The following PSTPIP2 variants were observed in gnomAD, a reference collection of about 807,000 sequenced individuals.
PSTPIP2 encodes the protein proline-serine-threonine phosphatase interacting protein 2, also known as proline-serine-threonine phosphatase-interacting protein 2.
Under a neutral mutation model 63.3 loss-of-function variants are expected in PSTPIP2, and 33 were observed. The ratio of observed to expected loss-of-function variants is 0.52; its 90% CI spans 0.40 to 0.70. PSTPIP2 has a LOEUF of 0.70. PSTPIP2 is among the 30% of genes least tolerant of loss of function. The pLI is 0.00. For synonymous variants in PSTPIP2, 125 were observed against 132.7 expected (o/e 0.94, Z 0.40); for missense variants, 312 against 400.7 (o/e 0.78, Z 1.89).
chr18:46,065,294 AAT>A lies in PSTPIP2; in HGVS notation c.33+6860_33+6861del, dbSNP rs1491587070. On this transcript the variant is annotated intron_variant, in intron 1 of 14. Coordinates refer to ENST00000409746, the MANE Select transcript of PSTPIP2 (RefSeq NM_024430.4). The stretch of plus-strand genomic sequence containing the variant: ...GATAGCAATATATAAAATAAGTTAT[AAT>A]TTTTTTTTTTTTTGAGATGTAGTCT... 2.4e-3 allele frequency among the ~76,000 whole-genome samples: 338 copies of A among 143,318 alleles called. 3 individuals are homozygous for A. The highest frequency in any genetic ancestry group is 9.0e-3 in the African/African-American group (323 of 35,780). The allele number at this position is 143,318 out of a possible 152,430, so 94.0% of individuals were successfully genotyped here. A position where few individuals can be genotyped will look rare whatever the true frequency, so the allele number is the denominator to read the frequency against.
intron 1 of PSTPIP2, among the ~76,000 whole-genome samples, chr18:46,066,067 C>A (rs1457151051): frequency 6.6e-6 from 1 of 151,980 alleles, no homozygotes; most frequent in Non-Finnish European, 1.5e-5. Context: ...TGGCCAGGTG[C>A]AGTAGCTCAT....
At chr18:46,071,008 C>T (rs1432462687) in intron 1 of PSTPIP2, among the ~76,000 whole-genome samples, 2 of 152,154 alleles carry the variant, frequency 1.3e-5, no homozygotes, top group African/African-American at 4.8e-5. Flanking sequence ...GCAAGCCTCC[C>T]GTGAGAGCCA....
Position 45,993,180 on chromosome 18 carries a change from C to T in PSTPIP2, c.741+425G>A, listed in dbSNP as rs560334592. On this transcript the variant is annotated intron_variant, in intron 10 of 14. Transcript: ENST00000409746. ...CACGATCTTGGCTCACTGCAGCCTC[C>T]GCCTCCTGGGTTCAAGCAATTCTCC... 1.5e-4 allele frequency among the ~76,000 whole-genome samples: 23 copies of T among 152,206 alleles called. 1 individual carries two copies. The South Asian group carries it at 4.1e-3, about 27-fold the overall frequency.
At chr18:45,999,791 A>G (rs1035181639) in intron 6 of PSTPIP2, among the ~76,000 whole-genome samples, 2 of 152,232 alleles carry the variant, frequency 1.3e-5, no homozygotes, top group African/African-American at 4.8e-5. Context: ...ATTTGGCAAC[A>G]TAAAGTACAT....
At chr18:45,997,958 C>T in intron 8 of PSTPIP2, 130 bp from the exon 9 acceptor site, 5 of 733,806 alleles carry the variant, frequency 6.8e-6, no homozygotes, top group Non-Finnish European at 1.2e-5. Context: ...GCCCCCAGGA[C>T]TCTGAGCACT....
chr18:45,996,686 C>T (rs914589337), intron 9 of PSTPIP2, among the ~76,000 whole-genome samples: 4 of 151,528 alleles, frequency 2.6e-5, no homozygotes, highest in Non-Finnish European at 5.9e-5. Flanking sequence ...ACCCTGGCAA[C>T]TCAGGAGGCA....
intron 7 of PSTPIP2, among the ~76,000 whole-genome samples, chr18:45,999,229 C>G (rs1418681952): frequency 6.6e-6 from 1 of 152,166 alleles, no homozygotes. Context: ...CCCCATCTCC[C>G]TCCCTCATAG....
chr18:46,070,326 T>C (rs553788211), intron 1 of PSTPIP2, among the ~76,000 whole-genome samples: 53 of 152,330 alleles, frequency 3.5e-4, no homozygotes, highest in African/African-American at 1.3e-3. Context: ...CTGCAAACTC[T>C]GTGGCCTGGA....
chr18:46,071,194 A>G (rs1394989437), intron 1 of PSTPIP2, among the ~76,000 whole-genome samples: 1 of 152,052 alleles, frequency 6.6e-6, no homozygotes, highest in Non-Finnish European at 1.5e-5. Flanking sequence ...GGGTAGAGGG[A>G]CCATCTAGGC....
intron 4 of PSTPIP2, among the ~76,000 whole-genome samples, chr18:46,013,295 C>A (rs1484211168): frequency 1.3e-5 from 2 of 152,076 alleles, no homozygotes; most frequent in African/African-American, 2.4e-5. Context: ...GAAGAAGACA[C>A]CTTCTATGTA....
intron 1 of PSTPIP2, among the ~76,000 whole-genome samples, chr18:46,041,992 C>CT (rs1248620965): frequency 6.6e-6 from 1 of 152,174 alleles, no homozygotes; most frequent in African/African-American, 2.4e-5. Context: ...TTTGCTGCCA[C>CT]TTATGATGGC....
At chr18:46,028,839 A>G in intron 2 of PSTPIP2, 1 of 1,578,816 alleles carries the variant, frequency 6.3e-7, no homozygotes, top group East Asian at 2.2e-5. Flanking sequence ...ATGAAAGTGA[A>G]GAGGATGAAG....
intron 1 of PSTPIP2, among the ~76,000 whole-genome samples, chr18:46,064,483 A>C (rs1909111249): frequency 1.2e-5 from 1 of 82,288 alleles, no homozygotes; most frequent in African/African-American, 4.8e-5. Flanking sequence ...TTTTTTAAGT[A>C]AAGACGGGGT....
At chr18:46,023,129 G>A (rs568635844) in intron 3 of PSTPIP2, among the ~76,000 whole-genome samples, 1 of 152,318 alleles carries the variant, frequency 6.6e-6, no homozygotes, top group Non-Finnish European at 1.5e-5. Context: ...TGGAGGATGG[G>A]AAGAGGAAGA....
At chr18:46,023,051 G>T in intron 3 of PSTPIP2, among the ~76,000 whole-genome samples, 1 of 152,240 alleles carries the variant, frequency 6.6e-6, no homozygotes, top group Non-Finnish European at 1.5e-5. Flanking sequence ...ACTTATAAGT[G>T]GGGGCTAAAT....
intron 4 of PSTPIP2, 104 bp from the exon 5 acceptor site, chr18:46,011,391 T>C: frequency 1.1e-6 from 1 of 922,090 alleles, no homozygotes; most frequent in Non-Finnish European, 1.6e-6. Context: ...CTGGAGTAAG[T>C]GGTAAAATCA....
intron 14 of PSTPIP2, among the ~76,000 whole-genome samples, chr18:45,985,679 T>C (rs72642430): frequency 0.25 from 38,201 of 152,172 alleles, 7,114 homozygotes; most frequent in African/African-American, 0.51. Flanking sequence ...TTGAAATTTT[T>C]AATCTATCTT....
rs768328775 is a variant in PSTPIP2 at position 45,997,742 on chromosome 18, C to T, written c.642+7G>A. 8.2e-6 allele frequency: 11 copies of T among 1,339,850 alleles called. No homozygotes were observed. The highest frequency in any genetic ancestry group is 3.1e-5 in the East Asian group (1 of 32,196). 83.0% of individuals were successfully genotyped at this position (1,339,850 alleles called of 1,614,324 possible). Reference sequence around the variant, plus strand: ...CCCAGTCCTGAGCAGCTTCCGGTTACGGGTACCTCGCAGGCCTTGATGTGC... The same window carrying T: ...CCCAGTCCTGAGCAGCTTCCGGTTATGGGTACCTCGCAGGCCTTGATGTGC... On this transcript the variant is annotated splice_region_variant and intron_variant, in intron 9 of 14. Coordinates refer to ENST00000409746, the MANE Select transcript of PSTPIP2 (RefSeq NM_024430.4).
intron 1 of PSTPIP2, among the ~76,000 whole-genome samples, chr18:46,071,824 G>A (rs1013256952): frequency 6.6e-6 from 1 of 152,198 alleles, no homozygotes; most frequent in African/African-American, 2.4e-5. Context: ...CTGACTCTAA[G>A]GTGTCTCGGC....
Sources: gnomAD v4.1 joint callset for allele counts (sites outside exome capture counted in the v4.1 genomes callset) on GRCh38, gnomAD v4.1.1 for gene constraint, MANE v1.5 for transcripts, NCBI Gene and HGNC (gene_info 2026-07-23, HGNC 2026-07-21) for gene names.